ZNRF1: variants seen among roughly 807,000 people sequenced by gnomAD.
The protein encoded by ZNRF1 is E3 ubiquitin-protein ligase ZNRF1.
A neutral mutation model predicts 18.4 loss-of-function variants in ZNRF1; 3 were observed. The observed-to-expected ratio is 0.16, with a 90% CI of 0.07 to 0.42. The LOEUF (loss-of-function observed/expected upper bound fraction) is 0.42, where lower values mean the gene tolerates loss of function less well. ZNRF1 is among the 10% of genes least tolerant of loss of function. The pLI is 0.99. For missense variants in ZNRF1, 310 were observed against 329.8 expected (o/e 0.94, Z 0.47); for synonymous variants, 157 against 144.2 (o/e 1.09, Z -0.64).
intron 1 of ZNRF1, among the ~76,000 whole-genome samples, chr16:75,057,069 G>A (rs11149794): frequency 0.064 from 9,735 of 152,226 alleles, 373 homozygotes; most frequent in East Asian, 0.15. Context: ...TCTCCATACA[G>A]AGTACCGTAA....
chr16:75,026,548 C>T (rs2035226447), intron 1 of ZNRF1, among the ~76,000 whole-genome samples: 1 of 152,190 alleles, frequency 6.6e-6, no homozygotes, highest in Non-Finnish European at 1.5e-5. Flanking sequence ...AGTGTTTGAA[C>T]TCTTCCCTAC....
chr16:75,061,932 C>T (rs955626145), intron 1 of ZNRF1, among the ~76,000 whole-genome samples: 8 of 152,174 alleles, frequency 5.3e-5, no homozygotes, highest in Non-Finnish European at 1.0e-4. Context: ...GTTCCCTTTC[C>T]CAAGAGCCTG....
At position 75,097,795 on chromosome 16, in the gene ZNRF1, A is replaced by G. The variant is rs185808908; in HGVS notation, c.520+4128A>G. Among the ~76,000 whole-genome samples the G allele has an allele frequency of 4.6e-5, 7 of 152,310 alleles. No individual in the cohort carries two copies. In the East Asian group the frequency reaches 1.4e-3, roughly 29 times the overall value. On this transcript the variant is annotated intron_variant, in intron 2 of 4. Transcript: ENST00000335325. ...CACGCCACTGCACTCCAGCCTAGGCAACAGAGCTTGACCCTGTCTCAAAAA... is the reference window on the plus strand; with the variant it reads ...CACGCCACTGCACTCCAGCCTAGGCGACAGAGCTTGACCCTGTCTCAAAAA...
chr16:75,041,384 C>T (rs1040089524), intron 1 of ZNRF1, among the ~76,000 whole-genome samples: 1 of 152,094 alleles, frequency 6.6e-6, no homozygotes, highest in Non-Finnish European at 1.5e-5. Flanking sequence ...GGCTAGAGTG[C>T]AACGGCATGA....
At chr16:75,089,187 C>G (rs968672964) in intron 1 of ZNRF1, among the ~76,000 whole-genome samples, 1 of 152,136 alleles carries the variant, frequency 6.6e-6, no homozygotes, top group African/African-American at 2.4e-5. Flanking sequence ...ACTGCAGCCT[C>G]AACCTCCTGG....
chr16:75,073,619 G>C (rs1477045408), intron 1 of ZNRF1, among the ~76,000 whole-genome samples: 1 of 152,094 alleles, frequency 6.6e-6, no homozygotes, highest in African/African-American at 2.4e-5. Context: ...TGGTGCTACG[G>C]ATTCTTTTGT....
rs866452108 is a variant in ZNRF1 at position 74,999,239 on chromosome 16, C to A, written c.-433C>A. On this transcript the variant is annotated 5_prime_UTR_variant, in exon 1 of 5. Transcript: ENST00000335325. ...TCGCGGCGTCCTGAGGCGGGGGACG[C>A]GCCCGGCGCCCCCGGCCCTCCTCCG... is the stretch of plus-strand genomic sequence containing the variant. The A allele has an allele frequency of 1.0e-3, 149 of 146,908 alleles. 5 individuals are homozygous for A. In the South Asian group the frequency reaches 0.026, roughly 26 times the overall value. The allele number at this position is 146,908 out of a possible 1,614,324, so 9.1% of individuals were successfully genotyped here.
intron 1 of ZNRF1, among the ~76,000 whole-genome samples, chr16:75,063,743 C>A (rs2035769251): frequency 6.6e-6 from 1 of 152,140 alleles, no homozygotes; most frequent in East Asian, 1.9e-4. Context: ...CCCCCGCCAC[C>A]AAGCTCTGTG....
chr16:75,061,171 C>T (rs2035739319), intron 1 of ZNRF1, among the ~76,000 whole-genome samples: 1 of 152,042 alleles, frequency 6.6e-6, no homozygotes, highest in South Asian at 2.1e-4. Flanking sequence ...AACAATTACA[C>T]TCTTTATTTT....
At chr16:75,054,037 G>C (rs1350767495) in intron 1 of ZNRF1, among the ~76,000 whole-genome samples, 1 of 152,206 alleles carries the variant, frequency 6.6e-6, no homozygotes, top group Non-Finnish European at 1.5e-5. Flanking sequence ...GATGCCATTT[G>C]AGATTATTTC....
intron 1 of ZNRF1, among the ~76,000 whole-genome samples, chr16:75,035,749 G>A (rs541975865): frequency 7.9e-5 from 12 of 152,150 alleles, no homozygotes; most frequent in Non-Finnish European, 1.5e-4. Context: ...GTCCGCATGC[G>A]CAGTGGCCGC....
At chr16:75,030,130 T>G (rs1056303951) in intron 1 of ZNRF1, among the ~76,000 whole-genome samples, 4 of 150,650 alleles carry the variant, frequency 2.7e-5, no homozygotes, top group African/African-American at 7.3e-5. Flanking sequence ...TCATTCAAAG[T>G]AAACAGTTGA....
At chr16:75,051,577 G>A (rs1193217659) in intron 1 of ZNRF1, among the ~76,000 whole-genome samples, 2 of 151,200 alleles carry the variant, frequency 1.3e-5, no homozygotes, top group African/African-American at 4.9e-5. Flanking sequence ...GAGTGCAGTG[G>A]CATGATCTCG....
chr16:75,011,034 G>T (rs2034993406), intron 1 of ZNRF1, among the ~76,000 whole-genome samples: 1 of 152,136 alleles, frequency 6.6e-6, no homozygotes, highest in African/African-American at 2.4e-5. Context: ...CTGGATTCAG[G>T]AACAGAGGTA....
At chr16:75,027,205 A>C (rs1297037472) in intron 1 of ZNRF1, among the ~76,000 whole-genome samples, 1 of 151,662 alleles carries the variant, frequency 6.6e-6, no homozygotes, top group African/African-American at 2.4e-5. Flanking sequence ...CAGGAGGTCA[A>C]GGCTGCAATG....
rs903789063 is a variant in ZNRF1 at position 75,108,617 on chromosome 16, T to C, written c.*917T>C. ...ATATTAAAATACAAAAAAAAACTTA[T>C]AAAATGTTTAAAAAAATGTTCAAAG... On this transcript the variant is annotated 3_prime_UTR_variant, in exon 5 of 5. Coordinates refer to ENST00000335325, the MANE Select transcript of ZNRF1 (RefSeq NM_032268.5). 2 of 398,904 alleles carry C rather than the reference T, an allele frequency of 5.0e-6. No homozygotes were observed. Among genetic ancestry groups the C allele is most frequent in the Non-Finnish European group, 4.4e-6 (1 of 226,026 alleles). 24.7% of individuals were successfully genotyped at this position (398,904 alleles called of 1,614,324 possible).
Position 75,031,137 on chromosome 16 carries a change from GT to G in ZNRF1, c.424+31055del, listed in dbSNP as rs1327031295. Among the ~76,000 whole-genome samples, 402 of 127,636 alleles carry G rather than the reference GT, an allele frequency of 3.1e-3. 2 individuals are homozygous for G. The highest frequency in any genetic ancestry group is 8.7e-3 in the African/African-American group (302 of 34,696). 83.7% of individuals were successfully genotyped at this position (127,636 alleles called of 152,430 possible). On this transcript the variant is annotated intron_variant, in intron 1 of 4. Transcript: ENST00000335325. ...AGGCGTGAGCCACTGCGCCCCACCTGTTTTTTTTTTTTTAGACAGAGTCTTG... is the reference window on the plus strand; with the variant it reads ...AGGCGTGAGCCACTGCGCCCCACCTGTTTTTTTTTTTTAGACAGAGTCTTG...
intron 1 of ZNRF1, among the ~76,000 whole-genome samples, chr16:75,052,096 C>G (rs905979494): frequency 6.6e-6 from 1 of 152,246 alleles, no homozygotes; most frequent in Middle Eastern, 3.4e-3. Flanking sequence ...AAACCCAAAA[C>G]CCTATCAAGA....
At chr16:75,034,967 T>C (rs2035358123) in intron 1 of ZNRF1, among the ~76,000 whole-genome samples, 2 of 152,060 alleles carry the variant, frequency 1.3e-5, no homozygotes, top group Admixed American at 6.5e-5. Context: ...AGAAGTGAAA[T>C]TGCTGGATCA....
Sources: gnomAD v4.1 joint callset for allele counts (sites outside exome capture counted in the v4.1 genomes callset) on GRCh38, gnomAD v4.1.1 for gene constraint, MANE v1.5 for transcripts, NCBI Gene and HGNC (gene_info 2026-07-23, HGNC 2026-07-21) for gene names.